Variants in CTNND2 observed in about 807,000 individuals in gnomAD.
CTNND2 encodes catenin delta-2.
Under a neutral mutation model 144.4 loss-of-function variants are expected in CTNND2, and 22 were observed. The ratio of observed to expected loss-of-function variants is 0.15; its 90% CI spans 0.11 to 0.22. CTNND2 has a LOEUF of 0.22. CTNND2 is among the 10% of genes least tolerant of loss of function. The probability of loss-of-function intolerance (pLI) is 1.00; values close to 1 mark genes in which losing one functional copy is unlikely to be tolerated. For synonymous variants in CTNND2, 751 were observed against 695.6 expected (o/e 1.08, Z -1.25); for missense variants, 1,353 against 1,618.8 (o/e 0.84, Z 2.82).
chr5:11,332,471 A>G (rs578029169), intron 9 of CTNND2, among the ~76,000 whole-genome samples: 1 of 152,264 alleles, frequency 6.6e-6, no homozygotes, highest in South Asian at 2.1e-4. Flanking sequence ...CCTTCTATTT[A>G]TGATGGTAAA....
At chr5:11,034,762 CTT>C (rs200155134) in intron 16 of CTNND2, among the ~76,000 whole-genome samples, 1 of 144,662 alleles carries the variant, frequency 6.9e-6, no homozygotes, top group Non-Finnish European at 1.5e-5. Flanking sequence ...TAGTTTTCTT[CTT>C]TTTTTTTTAA....
At chr5:11,016,811 C>T (rs1741651865) in intron 18 of CTNND2, among the ~76,000 whole-genome samples, 1 of 152,042 alleles carries the variant, frequency 6.6e-6, no homozygotes, top group Non-Finnish European at 1.5e-5. Context: ...CGCTCTGTTG[C>T]CCAGGCTACA....
At chr5:11,154,502 T>C (rs895960806) in intron 12 of CTNND2, among the ~76,000 whole-genome samples, 1 of 152,148 alleles carries the variant, frequency 6.6e-6, no homozygotes, top group Non-Finnish European at 1.5e-5. Flanking sequence ...TCTGGGTTGT[T>C]TGTTGAGTGT....
At chr5:11,594,767 G>GTTT (rs1420006180) in intron 2 of CTNND2, among the ~76,000 whole-genome samples, 1 of 152,192 alleles carries the variant, frequency 6.6e-6, no homozygotes, top group Non-Finnish European at 1.5e-5. Context: ...GGACAGAGGG[G>GTTT]TGGAAGAATA....
chr5:11,900,013 TTG>T (rs573178502), intron 1 of CTNND2, among the ~76,000 whole-genome samples: 17 of 151,876 alleles, frequency 1.1e-4, no homozygotes, highest in Non-Finnish European at 7.4e-5. Flanking sequence ...TATAACGTGT[TTG>T]TGTGTGTGTG....
intron 2 of CTNND2, among the ~76,000 whole-genome samples, chr5:11,686,216 A>C (rs1784639412): frequency 6.6e-6 from 1 of 151,888 alleles, no homozygotes; most frequent in Admixed American, 6.6e-5. Context: ...AGAAAAAAAA[A>C]AAGAAAGAAA....
intron 7 of CTNND2, among the ~76,000 whole-genome samples, chr5:11,382,646 T>C (rs1758635635): frequency 7.1e-6 from 1 of 141,158 alleles, no homozygotes; most frequent in African/African-American, 2.8e-5. Flanking sequence ...TGTGTGTGTG[T>C]AGAATGATGA....
chr5:11,745,469 A>G lies in CTNND2; in HGVS notation c.38-13197T>C, dbSNP rs117737514. Reference sequence around the variant, plus strand: ...TTTCTATTTCCTCTCATTGAACACTATCCAGACCTCTCTTTGGCAAAGCCA... The same window carrying G: ...TTTCTATTTCCTCTCATTGAACACTGTCCAGACCTCTCTTTGGCAAAGCCA... On this transcript the variant is annotated intron_variant, in intron 1 of 21. Coordinates refer to ENST00000304623, the MANE Select transcript of CTNND2 (RefSeq NM_001332.4). Among the ~76,000 whole-genome samples the G allele has an allele frequency of 3.9e-5, 6 of 152,262 alleles. No individual in the cohort carries two copies. The East Asian group carries it at 1.2e-3, about 29-fold the overall frequency.
At chr5:11,782,983 T>C (rs1790625063) in intron 1 of CTNND2, among the ~76,000 whole-genome samples, 1 of 152,160 alleles carries the variant, frequency 6.6e-6, no homozygotes, top group Non-Finnish European at 1.5e-5. Context: ...TTGGAGAACA[T>C]GGCTTACAGC....
chr5:11,755,176 A>C (rs908873390), intron 1 of CTNND2, among the ~76,000 whole-genome samples: 1 of 151,608 alleles, frequency 6.6e-6, no homozygotes, highest in Non-Finnish European at 1.5e-5. Flanking sequence ...TCTGAAAAGG[A>C]TCTCATTTCT....
chr5:11,280,818 C>T (rs1747036949), intron 9 of CTNND2, among the ~76,000 whole-genome samples: 1 of 152,118 alleles, frequency 6.6e-6, no homozygotes, highest in Non-Finnish European at 1.5e-5. Flanking sequence ...CATGCTACTC[C>T]AGCCCTGAAG....
At chr5:11,423,951 G>T (rs560673964) in intron 3 of CTNND2, among the ~76,000 whole-genome samples, 1 of 151,892 alleles carries the variant, frequency 6.6e-6, no homozygotes, top group African/African-American at 2.4e-5. Flanking sequence ...CAATCTTAGC[G>T]CCTTTATACA....
At chr5:11,394,130 G>A (rs1167074900) in intron 6 of CTNND2, among the ~76,000 whole-genome samples, 2 of 152,102 alleles carry the variant, frequency 1.3e-5, no homozygotes, top group African/African-American at 4.8e-5. Context: ...ATGCACTTTG[G>A]ATCTTGCTTA....
chr5:11,542,743 T>G (rs962279794), intron 3 of CTNND2, among the ~76,000 whole-genome samples: 1 of 152,236 alleles, frequency 6.6e-6, no homozygotes, highest in African/African-American at 2.4e-5. Flanking sequence ...TACCCTTGTC[T>G]GTCAATCAAA....
chr5:11,515,481 G>A (rs1401924749), intron 3 of CTNND2, among the ~76,000 whole-genome samples: 2 of 152,120 alleles, frequency 1.3e-5, no homozygotes, highest in Non-Finnish European at 2.9e-5. Flanking sequence ...TAAATTTATG[G>A]TTAAGAGGGT....
At chr5:11,054,575 C>T (rs1746161521) in intron 16 of CTNND2, among the ~76,000 whole-genome samples, 2 of 152,068 alleles carry the variant, frequency 1.3e-5, no homozygotes, top group South Asian at 4.1e-4. Context: ...CGCCTTCCCG[C>T]CAGTCCCCAC....
intron 16 of CTNND2, among the ~76,000 whole-genome samples, chr5:11,079,950 G>T (rs1749375942): frequency 6.6e-6 from 1 of 152,074 alleles, no homozygotes; most frequent in Admixed American, 6.5e-5. Context: ...AAAAGCTCAT[G>T]CAACAAAATA....
At chr5:11,223,441 A>G (rs1271350448) in intron 10 of CTNND2, among the ~76,000 whole-genome samples, 1 of 152,088 alleles carries the variant, frequency 6.6e-6, no homozygotes, top group African/African-American at 2.4e-5. Context: ...TACAAACTTT[A>G]AGGGCTATTC....
At chr5:11,868,571 A>G (rs1270677302) in intron 1 of CTNND2, among the ~76,000 whole-genome samples, 2 of 152,114 alleles carry the variant, frequency 1.3e-5, no homozygotes, top group Non-Finnish European at 2.9e-5. Flanking sequence ...TCGTTTCAAT[A>G]TTTGTCCCCT....
Sources: allele counts gnomAD v4.1 joint callset (sites outside exome capture counted in the v4.1 genomes callset), GRCh38; gene constraint gnomAD v4.1.1; transcripts MANE v1.5; gene names NCBI Gene and HGNC (gene_info 2026-07-23, HGNC 2026-07-21).